CFAP61: variants seen among roughly 807,000 people sequenced by gnomAD.
CFAP61 encodes cilia- and flagella-associated protein 61.
In CFAP61, 107 loss-of-function variants were observed where a neutral mutation model predicts 135.6. The observed-to-expected ratio is 0.79, with a 90% CI of 0.67 to 0.93. The LOEUF (loss-of-function observed/expected upper bound fraction) is 0.93. CFAP61 is among the 40% of genes least tolerant of loss of function. CFAP61 has a pLI of 0.00. For missense variants in CFAP61, 1,507 were observed against 1,556.2 expected (o/e 0.97, Z 0.53); for synonymous variants, 575 against 578.5 (o/e 0.99, Z 0.09).
At chr20:20,120,174 A>C (rs2049501092) in intron 8 of CFAP61, among the ~76,000 whole-genome samples, 1 of 151,986 alleles carries the variant, frequency 6.6e-6, no homozygotes, top group South Asian at 2.1e-4. Context: ...TCTTCCACTA[A>C]TTTTGTGTTT....
intron 1 of CFAP61, among the ~76,000 whole-genome samples, chr20:20,054,009 G>GTTTTGT (rs1491456523): frequency 9.0e-5 from 8 of 88,850 alleles, no homozygotes; most frequent in East Asian, 3.0e-4. Context: ...TGTTTTTTTT[G>GTTTTGT]TTTGTTTTTT....
chr20:20,166,427 T>C lies in CFAP61; in HGVS notation c.1236T>C (p.Ser412=). The C allele has an allele frequency of 5.6e-6, 9 of 1,613,508 alleles. No homozygotes were observed. Among genetic ancestry groups the C allele is most frequent in the Non-Finnish European group, 7.6e-6 (9 of 1,179,512 alleles). ...TGGATTTTATGAATTTTGTTTTCAG[T>C]CTTTTTTCTGTAAGTACATGCTGAA... ...RSLDFMNFVF[S]LFSDKNFCVI... The change falls in exon 12 of 27, where the codon AGT becomes AGC. Residue 412 remains serine (S), a synonymous_variant. Coordinates refer to ENST00000245957, the MANE Select transcript of CFAP61 (RefSeq NM_015585.4).
chr20:20,355,144 T>C (rs1376372231), intron 26 of CFAP61, among the ~76,000 whole-genome samples: 1 of 132,882 alleles, frequency 7.5e-6, no homozygotes, highest in Non-Finnish European at 1.6e-5. Flanking sequence ...GTGGTCACAT[T>C]GTGAGAGGGA....
chr20:20,086,951 G>A (rs1251328723), intron 6 of CFAP61, among the ~76,000 whole-genome samples: 4 of 152,086 alleles, frequency 2.6e-5, no homozygotes, highest in Non-Finnish European at 5.9e-5. Context: ...GGATAGGCAA[G>A]GGGATCAGAG....
In CFAP61 at chr20:20,360,646, TC is replaced by T. The variant is rs1169727619; in HGVS notation, c.*238del. The T allele has an allele frequency of 3.6e-6, 2 of 561,470 alleles. No homozygotes were observed. The highest frequency in any genetic ancestry group is 3.8e-5 in the African/African-American group (2 of 53,206). 34.8% of individuals were successfully genotyped at this position (561,470 alleles called of 1,614,324 possible). ...CTCGCTTTACAAATCCCAGGCATGT[TC>T]CTGTGCAGAATAATCCATTTCAGCA... On this transcript the variant is annotated 3_prime_UTR_variant, in exon 27 of 27. Transcript: ENST00000245957.
At position 20,341,848 on chromosome 20, in the gene CFAP61, G is replaced by A. The variant is rs2058454716; in HGVS notation, c.3440G>A (p.Trp1147Ter). The change falls in exon 26 of 27, where the codon TGG (tryptophan) becomes TAG (stop). Residue 1147 changes from tryptophan (W) to a stop codon, truncating the protein, a stop_gained. Coordinates refer to ENST00000245957, the MANE Select transcript of CFAP61 (RefSeq NM_015585.4). LOFTEE classifies it high-confidence loss of function. ...TDLYSYFTEPWCLALFHDRFI... is the reference protein window; with the variant it reads ...TDLYSYFTEP ...CTTACCAGCTACTTCACCGAGCCGT[G>A]GTGCCTGGCCCTGTTCCACGATCGT... 1.2e-6 allele frequency: 2 copies of A among 1,613,440 alleles called. No homozygotes were observed. Among genetic ancestry groups the A allele is most frequent in the Non-Finnish European group, 1.7e-6 (2 of 1,179,852 alleles).
At chr20:20,325,194 G>T (rs1454008669) in intron 25 of CFAP61, among the ~76,000 whole-genome samples, 1 of 152,140 alleles carries the variant, frequency 6.6e-6, no homozygotes, top group Non-Finnish European at 1.5e-5. Flanking sequence ...CTTTAGTGTG[G>T]TCTATTTGAT....
At chr20:20,257,605 C>A (rs1302520299) in intron 20 of CFAP61, among the ~76,000 whole-genome samples, 1 of 127,488 alleles carries the variant, frequency 7.8e-6, no homozygotes, top group East Asian at 2.3e-4. Context: ...CAGAGCAAGA[C>A]TGTCTCAAAA....
At chr20:20,185,271 T>G (rs1342000900) in intron 13 of CFAP61, among the ~76,000 whole-genome samples, 2 of 152,222 alleles carry the variant, frequency 1.3e-5, no homozygotes, top group Non-Finnish European at 2.9e-5. Context: ...AGTCTTGTGA[T>G]CTGACTTAAC....
At chr20:20,178,949 C>G (rs1486089214) in intron 13 of CFAP61, among the ~76,000 whole-genome samples, 1 of 152,092 alleles carries the variant, frequency 6.6e-6, no homozygotes, top group Non-Finnish European at 1.5e-5. Flanking sequence ...TTACAAAGAT[C>G]ACTTCTTTGG....
chr20:20,053,106 A>G (rs973233103), intron 1 of CFAP61, among the ~76,000 whole-genome samples: 14 of 152,326 alleles, frequency 9.2e-5, no homozygotes, highest in African/African-American at 2.4e-4. Context: ...CTTAGCCTCA[A>G]TGTCCTCAAC....
chr20:20,275,663 G>A (rs1330777645), intron 21 of CFAP61, among the ~76,000 whole-genome samples: 3 of 152,154 alleles, frequency 2.0e-5, no homozygotes, highest in Non-Finnish European at 4.4e-5. Flanking sequence ...ATCCTTAGCT[G>A]TGTGAGACCT....
At chr20:20,239,021 G>T (rs1466148943) in intron 18 of CFAP61, among the ~76,000 whole-genome samples, 1 of 151,846 alleles carries the variant, frequency 6.6e-6, no homozygotes, top group African/African-American at 2.4e-5. Flanking sequence ...GGTGATGTTA[G>T]ATATTGTTTA....
At chr20:20,320,435 A>ATATTATATATGTAAT (rs1171884761) in intron 25 of CFAP61, among the ~76,000 whole-genome samples, 1 of 105,598 alleles carries the variant, frequency 9.5e-6, no homozygotes, top group East Asian at 2.2e-4. Context: ...TATGTAATAT[A>ATATTATATATGTAAT]ATATATGTAA....
intron 18 of CFAP61, among the ~76,000 whole-genome samples, chr20:20,229,689 TA>T (rs1003539222): frequency 1.3e-5 from 2 of 152,182 alleles, no homozygotes; most frequent in Non-Finnish European, 2.9e-5. Context: ...ATTAACCAGA[TA>T]AAAAAAGAAT....
chr20:20,185,048 A>T (rs1261597827), intron 13 of CFAP61, among the ~76,000 whole-genome samples: 2 of 152,146 alleles, frequency 1.3e-5, no homozygotes, highest in African/African-American at 4.8e-5. Context: ...GCCACTGTAG[A>T]ACTTTGGCTT....
chr20:20,106,912 A>G (rs1179935917), intron 8 of CFAP61, among the ~76,000 whole-genome samples: 1 of 152,210 alleles, frequency 6.6e-6, no homozygotes, highest in Non-Finnish European at 1.5e-5. Flanking sequence ...CAGGATAATT[A>G]TAGTAATTTG....
intron 6 of CFAP61, 143 bp from the exon 7 acceptor site, chr20:20,090,701 A>G: frequency 4.2e-6 from 3 of 708,684 alleles, no homozygotes; most frequent in Non-Finnish European, 4.5e-6. Flanking sequence ...AAAAAAAAAA[A>G]AAAAAAAAAA....
At chr20:20,350,653 C>G (rs1005662031) in intron 26 of CFAP61, among the ~76,000 whole-genome samples, 5 of 151,888 alleles carry the variant, frequency 3.3e-5, no homozygotes, top group Non-Finnish European at 7.4e-5. Context: ...AACAAACAAA[C>G]AAAGAATTGA....
Sources: gnomAD v4.1 joint callset for allele counts (sites outside exome capture counted in the v4.1 genomes callset) on GRCh38, gnomAD v4.1.1 for gene constraint, MANE v1.5 for transcripts, NCBI Gene and HGNC (gene_info 2026-07-23, HGNC 2026-07-21) for gene names.